Variants in HTR1F observed in about 807,000 individuals in gnomAD.
The protein encoded by HTR1F is 5-hydroxytryptamine (serotonin) receptor 1F, G protein-coupled.
Under a neutral mutation model 24.0 loss-of-function variants are expected in HTR1F, and 17 were observed. The observed-to-expected ratio is 0.71, with a 90% CI of 0.48 to 1.06. The LOEUF is 1.06. HTR1F is among the 50% of genes least tolerant of loss of function. HTR1F has a pLI of 0.00. For missense variants in HTR1F, 391 were observed against 427.8 expected (o/e 0.91, Z 0.76); for synonymous variants, 186 against 156.8 (o/e 1.19, Z -1.39).
chr3:87,987,743 TA>T (rs1434923583), intron 2 of HTR1F, among the ~76,000 whole-genome samples: 22 of 140,398 alleles, frequency 1.6e-4, no homozygotes, highest in African/African-American at 5.5e-4. Flanking sequence ...TTTATATATA[TA>T]AAATATATGT....
chr3:87,896,951 T>A (rs1333113636), intron 2 of HTR1F, among the ~76,000 whole-genome samples: 2 of 152,136 alleles, frequency 1.3e-5, no homozygotes, highest in Admixed American at 6.6e-5. Context: ...CCTTGTACGC[T>A]GTTGGTGGGA....
intron 1 of HTR1F, among the ~76,000 whole-genome samples, chr3:87,801,496 C>G (rs1307767108): frequency 3.3e-5 from 5 of 152,282 alleles, no homozygotes; most frequent in African/African-American, 1.2e-4. Context: ...AGGTTTTATA[C>G]ATTTTAGGGA....
At chr3:87,835,515 A>G (rs377682422) in intron 2 of HTR1F, among the ~76,000 whole-genome samples, 2 of 152,198 alleles carry the variant, frequency 1.3e-5, no homozygotes, top group African/African-American at 4.8e-5. Flanking sequence ...CCCTATTTTC[A>G]TAGTGATGCC....
chr3:87,883,987 C>G (rs1031647532), intron 2 of HTR1F, among the ~76,000 whole-genome samples: 7 of 152,114 alleles, frequency 4.6e-5, no homozygotes, highest in African/African-American at 1.7e-4. Flanking sequence ...TCAGGAAATA[C>G]AGAGAAAACC....
chr3:87,932,924 C>G (rs1704317681), intron 2 of HTR1F, among the ~76,000 whole-genome samples: 1 of 150,860 alleles, frequency 6.6e-6, no homozygotes, highest in Non-Finnish European at 1.5e-5. Flanking sequence ...AGACCAATAT[C>G]CTTGATGAAC....
At chr3:87,906,711 G>T (rs1031168672) in intron 2 of HTR1F, among the ~76,000 whole-genome samples, 4 of 150,812 alleles carry the variant, frequency 2.7e-5, no homozygotes, top group African/African-American at 7.3e-5. Context: ...ATTCCCCCGG[G>T]TCCCCAAAGT....
intron 2 of HTR1F, among the ~76,000 whole-genome samples, chr3:87,840,399 T>C (rs557954809): frequency 2.3e-4 from 35 of 152,202 alleles, no homozygotes; most frequent in Non-Finnish European, 4.4e-4. Context: ...ATCTGTAAGA[T>C]TGGCTATTAT....
intron 2 of HTR1F, among the ~76,000 whole-genome samples, chr3:87,891,076 G>A (rs1257540222): frequency 6.6e-6 from 1 of 151,926 alleles, no homozygotes; most frequent in Admixed American, 6.6e-5. Flanking sequence ...CCTGACCTCA[G>A]GTGATCCCCC....
At chr3:87,834,196 A>G (rs191368949) in intron 2 of HTR1F, among the ~76,000 whole-genome samples, 156 of 152,258 alleles carry the variant, frequency 1.0e-3, no homozygotes, top group Middle Eastern at 3.4e-3. Flanking sequence ...TATACATGCA[A>G]TGTGATTGGA....
chr3:87,878,493 CT>C (rs562178686), intron 2 of HTR1F, among the ~76,000 whole-genome samples: 98 of 152,278 alleles, frequency 6.4e-4, no homozygotes, highest in South Asian at 5.0e-3. Context: ...CAGACTCTTA[CT>C]TTTGCTCATA....
chr3:87,956,972 C>T (rs915170165), intron 2 of HTR1F, among the ~76,000 whole-genome samples: 4 of 150,966 alleles, frequency 2.6e-5, no homozygotes, highest in Non-Finnish European at 5.9e-5. Context: ...GCTTTTTTAG[C>T]CAGGTCTATG....
At chr3:87,928,122 T>A (rs1447492032) in intron 2 of HTR1F, among the ~76,000 whole-genome samples, 1 of 151,358 alleles carries the variant, frequency 6.6e-6, no homozygotes, top group Non-Finnish European at 1.5e-5. Context: ...CTCAGCTCAC[T>A]GCAACCTCTG....
chr3:87,849,626 A>G (rs1705034880), intron 2 of HTR1F, among the ~76,000 whole-genome samples: 1 of 151,952 alleles, frequency 6.6e-6, no homozygotes, highest in South Asian at 2.1e-4. Flanking sequence ...ATTAAACTAA[A>G]GAGCTTCTGC....
At chr3:87,816,352 G>A (rs1704250442) in intron 1 of HTR1F, among the ~76,000 whole-genome samples, 1 of 152,000 alleles carries the variant, frequency 6.6e-6, no homozygotes, top group Non-Finnish European at 1.5e-5. Flanking sequence ...GTGTTTTATA[G>A]GATTTGTTAG....
intron 2 of HTR1F, chr3:87,910,268 A>T (rs1358369242): frequency 6.6e-6 from 1 of 151,980 alleles, no homozygotes; most frequent in Non-Finnish European, 1.5e-5. Flanking sequence ...ACAAGGATGG[A>T]AGAGGCCCTC....
intron 2 of HTR1F, among the ~76,000 whole-genome samples, chr3:87,887,218 AT>A (rs1324352904): frequency 2.6e-5 from 4 of 152,350 alleles, no homozygotes; most frequent in Admixed American, 6.5e-5. Flanking sequence ...AAAACAAGGA[AT>A]GGGGAAAGGA....
intron 2 of HTR1F, among the ~76,000 whole-genome samples, chr3:87,835,300 C>T (rs1704660931): frequency 6.6e-6 from 1 of 151,656 alleles, no homozygotes; most frequent in South Asian, 2.1e-4. Flanking sequence ...CCAACCCCAC[C>T]CCCAGGGCAG....
chr3:87,920,403 TA>T (rs1356405346), intron 2 of HTR1F, among the ~76,000 whole-genome samples: 1 of 151,574 alleles, frequency 6.6e-6, no homozygotes, highest in Non-Finnish European at 1.5e-5. Context: ...CCTATGGAAA[TA>T]AAAAAACAAG....
chr3:87,933,093 A>G (rs1339089915), intron 2 of HTR1F, among the ~76,000 whole-genome samples: 1 of 151,308 alleles, frequency 6.6e-6, no homozygotes, highest in Non-Finnish European at 1.5e-5. Context: ...ACAGAACCAA[A>G]GACAAAAACC....
Sources: allele counts gnomAD v4.1 joint callset (sites outside exome capture counted in the v4.1 genomes callset), GRCh38; gene constraint gnomAD v4.1.1; transcripts MANE v1.5; gene names NCBI Gene and HGNC (gene_info 2026-07-23, HGNC 2026-07-21).